Variants in SEMA5A observed in about 807,000 individuals in gnomAD.
The protein encoded by SEMA5A is semaphorin 5A.
A neutral mutation model predicts 135.5 loss-of-function variants in SEMA5A; 55 were observed. The ratio of observed to expected loss-of-function variants is 0.41; its 90% CI spans 0.33 to 0.51. SEMA5A has a LOEUF of 0.51. Among genes scored for constraint, SEMA5A ranks in the 20% least tolerant of loss-of-function variants. The pLI, the probability that SEMA5A is intolerant of heterozygous loss-of-function variation, is 0.37. For synonymous variants in SEMA5A, 580 were observed against 546.5 expected (o/e 1.06, Z -0.85); for missense variants, 1,290 against 1,419.9 (o/e 0.91, Z 1.47).
At chr5:9,533,724 T>C (rs193014129) in intron 1 of SEMA5A, among the ~76,000 whole-genome samples, 192 of 152,350 alleles carry the variant, frequency 1.3e-3, no homozygotes, top group African/African-American at 4.5e-3. Flanking sequence ...ATTATGTCTT[T>C]ATACAAATTC....
chr5:9,300,665 T>A (rs1348736302), intron 5 of SEMA5A, among the ~76,000 whole-genome samples: 3 of 152,178 alleles, frequency 2.0e-5, no homozygotes, highest in Non-Finnish European at 2.9e-5. Flanking sequence ...GGAGAAAGGA[T>A]CTTAGCAAAT....
intron 1 of SEMA5A, among the ~76,000 whole-genome samples, chr5:9,438,384 A>G (rs907303906): frequency 2.0e-5 from 3 of 152,152 alleles, no homozygotes; most frequent in Non-Finnish European, 4.4e-5. Context: ...AGGAAAAGGA[A>G]TGATGCATCG....
chr5:9,249,225 T>G (rs1748645075), intron 5 of SEMA5A, among the ~76,000 whole-genome samples: 1 of 152,190 alleles, frequency 6.6e-6, no homozygotes, highest in Admixed American at 6.5e-5. Flanking sequence ...TTGTGTAAGG[T>G]AAGCTTACAT....
At chr5:9,467,835 A>C (rs942633808) in intron 1 of SEMA5A, among the ~76,000 whole-genome samples, 2 of 152,324 alleles carry the variant, frequency 1.3e-5, no homozygotes, top group African/African-American at 2.4e-5. Context: ...GAATTACTAA[A>C]TGCTACAAAT....
chr5:9,292,155 C>T (rs914840552), intron 5 of SEMA5A, among the ~76,000 whole-genome samples: 2 of 147,702 alleles, frequency 1.4e-5, no homozygotes, highest in Non-Finnish European at 3.1e-5. Flanking sequence ...TGGACTTATA[C>T]AAGTATTTAA....
chr5:9,505,235 C>T (rs981780506), intron 1 of SEMA5A, among the ~76,000 whole-genome samples: 1 of 152,174 alleles, frequency 6.6e-6, no homozygotes, highest in Non-Finnish European at 1.5e-5. Context: ...TTCCCTTTCC[C>T]TGCCCTGAAT....
At chr5:9,507,175 C>T (rs998420359) in intron 1 of SEMA5A, among the ~76,000 whole-genome samples, 1 of 152,162 alleles carries the variant, frequency 6.6e-6, no homozygotes, top group Non-Finnish European at 1.5e-5. Flanking sequence ...GCACCTGAGT[C>T]GACATGGAAG....
intron 5 of SEMA5A, among the ~76,000 whole-genome samples, chr5:9,312,946 T>C (rs940322007): frequency 6.6e-6 from 1 of 152,152 alleles, no homozygotes; most frequent in Non-Finnish European, 1.5e-5. Context: ...AGTGCTTTGA[T>C]AGATATCATA....
intron 5 of SEMA5A, among the ~76,000 whole-genome samples, chr5:9,314,852 G>A (rs528179095): frequency 2.0e-5 from 3 of 152,184 alleles, no homozygotes; most frequent in Admixed American, 2.0e-4. Context: ...TATCATTAGA[G>A]CCGCATTTTT....
chr5:9,278,232 G>T (rs1167771041), intron 5 of SEMA5A, among the ~76,000 whole-genome samples: 1 of 152,048 alleles, frequency 6.6e-6, no homozygotes, highest in Non-Finnish European at 1.5e-5. Flanking sequence ...GTGACATTTT[G>T]TTCCTGCCCT....
chr5:9,122,922 C>T (rs1277595479), intron 13 of SEMA5A, 85 bp from the exon 14 acceptor site: 3 of 1,211,662 alleles, frequency 2.5e-6, no homozygotes, highest in East Asian at 5.2e-5. Context: ...CCTCATAAGA[C>T]AATCAAAACT....
intron 5 of SEMA5A, among the ~76,000 whole-genome samples, chr5:9,239,651 G>C (rs1200678442): frequency 5.3e-5 from 8 of 151,872 alleles, no homozygotes; most frequent in Non-Finnish European, 1.2e-4. Context: ...ATTGAGGACT[G>C]AAAGAATATG....
intron 2 of SEMA5A, among the ~76,000 whole-genome samples, chr5:9,381,144 T>C (rs1343454639): frequency 1.3e-5 from 2 of 152,208 alleles, no homozygotes; most frequent in African/African-American, 4.8e-5. Context: ...AGTACATTAA[T>C]GTTAGAAGAT....
intron 13 of SEMA5A, among the ~76,000 whole-genome samples, chr5:9,128,495 GAGA>G: frequency 6.6e-6 from 1 of 152,304 alleles, no homozygotes; most frequent in East Asian, 1.9e-4. Context: ...TGAGCAAGAG[GAGA>G]AGGCCTAGGG....
rs138255327 is a variant in SEMA5A, at chr5:9,102,961, G to A, written c.2073+5179C>T. Among the ~76,000 whole-genome samples, 585 of 152,304 alleles carry A rather than the reference G, an allele frequency of 3.8e-3. 4 individuals are homozygous for A. Among genetic ancestry groups the A allele is most frequent in the African/African-American group, 0.013 (559 of 41,566 alleles). Reference sequence around the variant, plus strand: ...AGAGGCAAACACAGCTGAGACTGTTGAGAAATACGACTGGAGCTAAACAAA... The same window carrying A: ...AGAGGCAAACACAGCTGAGACTGTTAAGAAATACGACTGGAGCTAAACAAA... On this transcript the variant is annotated intron_variant, in intron 16 of 22. Coordinates refer to ENST00000382496, the MANE Select transcript of SEMA5A (RefSeq NM_003966.3).
At chr5:9,259,101 C>A (rs925323754) in intron 5 of SEMA5A, among the ~76,000 whole-genome samples, 1 of 152,136 alleles carries the variant, frequency 6.6e-6, no homozygotes, top group Admixed American at 6.6e-5. Context: ...GGATTACAGG[C>A]ATGAGCCACC....
At position 9,455,395 on chromosome 5, in the gene SEMA5A, G is replaced by A. The variant is rs190084962; in HGVS notation, c.-174-17543C>T. Among the ~76,000 whole-genome samples the A allele has an allele frequency of 4.0e-3, 604 of 151,844 alleles. 6 individuals are homozygous for A. The highest frequency in any genetic ancestry group is 0.014 in the African/African-American group (569 of 41,414). On this transcript the variant is annotated intron_variant, in intron 1 of 22. Coordinates refer to ENST00000382496, the MANE Select transcript of SEMA5A (RefSeq NM_003966.3). ...CCCAGCCTCCCGAGTAGCTGGGACT[G>A]CAGTCACTCGCCACCATGCCCAGCT...
At chr5:9,423,028 T>C (rs1334656268) in intron 2 of SEMA5A, among the ~76,000 whole-genome samples, 1 of 152,158 alleles carries the variant, frequency 6.6e-6, no homozygotes, top group Non-Finnish European at 1.5e-5. Flanking sequence ...AATTCCACCT[T>C]TGTATTTTAC....
intron 5 of SEMA5A, among the ~76,000 whole-genome samples, chr5:9,271,744 G>C (rs1050305091): frequency 3.3e-5 from 5 of 152,094 alleles, no homozygotes; most frequent in Admixed American, 1.3e-4. Context: ...AGCAGGGTGG[G>C]GCATCACTTC....
Sources: allele counts gnomAD v4.1 joint callset (sites outside exome capture counted in the v4.1 genomes callset), GRCh38; gene constraint gnomAD v4.1.1; transcripts MANE v1.5; gene names NCBI Gene and HGNC (gene_info 2026-07-23, HGNC 2026-07-21).